Variants in HTATIP2 observed in about 807,000 individuals in gnomAD.
The protein encoded by HTATIP2 is HIV-1 Tat interactive protein 2.
HTATIP2 carries 26 observed loss-of-function variants against 24.7 expected under a neutral mutation model. The ratio of observed to expected loss-of-function variants is 1.05; its 90% confidence interval spans 0.77 to 1.46. The LOEUF (loss-of-function observed/expected upper bound fraction) is 1.46, where lower values mean the gene tolerates loss of function less well. HTATIP2 is among the 40% of genes most tolerant of loss of function. The pLI is 0.00. For synonymous variants in HTATIP2, 99 were observed against 113.2 expected, an observed-to-expected ratio of 0.87 and a Z score of 0.79; for missense variants, 284 against 289.6, an observed-to-expected ratio of 0.98 and a Z score of 0.14.
chr11:20,374,503 C>T (rs1415808822), intron 2 of HTATIP2, among the ~76,000 whole-genome samples: 3 of 152,170 alleles, frequency 2.0e-5, no homozygotes, highest in South Asian at 4.1e-4. Flanking sequence ...AGGCCACCCC[C>T]ATTCCTTGGC....
chr11:20,363,786 C>G lies in HTATIP2; in HGVS notation c.-452C>G. 1 of 1,241,562 alleles carries G rather than the reference C, an allele frequency of 8.1e-7. No homozygotes were observed. The highest frequency in any genetic ancestry group is 1.0e-6 in the Non-Finnish European group (1 of 988,020). 76.9% of individuals were successfully genotyped at this position (1,241,562 alleles called of 1,614,324 possible). ...CTCCGTCGCCTCCAACCCCCCCGGTCCGACCAGGGAAGGTGGGATGCTCTG... is the reference window on the plus strand; with the variant it reads ...CTCCGTCGCCTCCAACCCCCCCGGTGCGACCAGGGAAGGTGGGATGCTCTG... On this transcript the variant is annotated 5_prime_UTR_variant, in exon 1 of 5. Coordinates refer to ENST00000451739, the MANE Select transcript of HTATIP2 (RefSeq NM_001098522.2).
At chr11:20,372,668 A>G (rs2064783809) in intron 2 of HTATIP2, among the ~76,000 whole-genome samples, 1 of 152,232 alleles carries the variant, frequency 6.6e-6, no homozygotes, top group Non-Finnish European at 1.5e-5. Flanking sequence ...GTCTGTCCAC[A>G]TGGTTAGGGA....
intron 2 of HTATIP2, 79 bp from the exon 3 acceptor site, chr11:20,376,501 C>T (rs1351511365): frequency 1.1e-5 from 16 of 1,518,562 alleles, no homozygotes; most frequent in Non-Finnish European, 1.4e-5. Flanking sequence ...GCCTCCCAGC[C>T]TGCTACCCAA....
At chr11:20,369,072 A>T (rs1175291041) in intron 2 of HTATIP2, among the ~76,000 whole-genome samples, 1 of 149,390 alleles carries the variant, frequency 6.7e-6, no homozygotes, top group East Asian at 1.9e-4. Context: ...TGGGGGCTTT[A>T]AAAAAAAAAC....
At chr11:20,377,651 A>T (rs572980253) in intron 3 of HTATIP2, among the ~76,000 whole-genome samples, 9 of 152,312 alleles carry the variant, frequency 5.9e-5, no homozygotes, top group East Asian at 1.9e-4. Flanking sequence ...ACAGAAGTTC[A>T]TCTCCTTTCT....
chr11:20,366,605 C>T (rs1263855997), intron 1 of HTATIP2, among the ~76,000 whole-genome samples: 1 of 152,016 alleles, frequency 6.6e-6, no homozygotes, highest in Non-Finnish European at 1.5e-5. Flanking sequence ...AGTGCAGATT[C>T]TGATTCAGAA....
chr11:20,363,866 C>A lies in HTATIP2; in HGVS notation c.-372C>A. On this transcript the variant is annotated 5_prime_UTR_variant, in exon 1 of 5. The change creates a new upstream start codon in the 5' untranslated region. Transcript: ENST00000451739. ...GGCGGCGGCTGCTCTGGCGGCCGCC[C>A]TGCTCCTGCTGCGTCGTGAGGACCC... The A allele has an allele frequency of 2.4e-6, 3 of 1,244,062 alleles. No homozygotes were observed. In the South Asian group the frequency reaches 1.2e-4, roughly 50 times the overall value. The allele number at this position is 1,244,062 out of a possible 1,614,324, so 77.1% of individuals were successfully genotyped here. A position where few individuals can be genotyped will look rare whatever the true frequency, so the allele number is the denominator to read the frequency against.
At chr11:20,375,426 C>T (rs1474941168) in intron 2 of HTATIP2, among the ~76,000 whole-genome samples, 3 of 152,146 alleles carry the variant, frequency 2.0e-5, no homozygotes, top group African/African-American at 7.2e-5. Flanking sequence ...CAAAAATTAG[C>T]CGGACATGGT....
rs1191722069 is a variant in HTATIP2, at chr11:20,376,566, C to T, written c.304-14C>T. On this transcript the variant is annotated splice_polypyrimidine_tract_variant and intron_variant, in intron 2 of 4. Coordinates refer to ENST00000451739, the MANE Select transcript of HTATIP2 (RefSeq NM_001098522.2). ...CTGCTTTTTGGAAATAACTCATGTC[C>T]TTTTCCCCCTTAGGAGGGATTTGTT... The T allele has an allele frequency of 8.2e-5, 132 of 1,613,334 alleles. No homozygotes were observed. The highest frequency in any genetic ancestry group is 1.6e-4 in the Middle Eastern group (1 of 6,082).
chr11:20,364,485 C>T (rs879187362), intron 1 of HTATIP2, 53 bp downstream of exon 1: 1 of 1,463,292 alleles, frequency 6.8e-7, no homozygotes, highest in Non-Finnish European at 9.4e-7. Flanking sequence ...GCGAGGTGAA[C>T]ATATTTCATG....
In HTATIP2 at chr11:20,383,443, C is replaced by A. The variant is rs1848552246; in HGVS notation, c.*238C>A. Reference sequence around the variant, plus strand: ...TGTCAGCCCTATCTCAAACTTGAATCAAAATTTCTGGGGTGTGGGCACAAT... The same window carrying A: ...TGTCAGCCCTATCTCAAACTTGAATAAAAATTTCTGGGGTGTGGGCACAAT... On this transcript the variant is annotated 3_prime_UTR_variant, in exon 5 of 5. Coordinates refer to ENST00000451739, the MANE Select transcript of HTATIP2 (RefSeq NM_001098522.2). The A allele has an allele frequency of 2.0e-6, 1 of 492,576 alleles. No individual in the cohort carries two copies. The highest frequency in any genetic ancestry group is 3.6e-6 in the Non-Finnish European group (1 of 279,258). 30.5% of individuals were successfully genotyped at this position (492,576 alleles called of 1,614,324 possible).
At chr11:20,367,590 A>G in intron 2 of HTATIP2, 2 of 1,380,128 alleles carry the variant, frequency 1.4e-6, no homozygotes. Flanking sequence ...GTCTGAGTAA[A>G]ACTAATTGGT....
chr11:20,363,892 G>T lies in HTATIP2; in HGVS notation c.-346G>T. 13 of 1,242,806 alleles carry T rather than the reference G, an allele frequency of 1.0e-5. No homozygotes were observed. Among genetic ancestry groups the T allele is most frequent in the Non-Finnish European group, 1.3e-5 (13 of 989,728 alleles). 77.0% of individuals were successfully genotyped at this position (1,242,806 alleles called of 1,614,324 possible). A position where few individuals can be genotyped will look rare whatever the true frequency, so the allele number is the denominator to read the frequency against. On this transcript the variant is annotated 5_prime_UTR_variant, in exon 1 of 5. Transcript: ENST00000451739. Reference sequence around the variant, plus strand: ...TGCTCCTGCTGCGTCGTGAGGACCCGGGGCCGGGGGCTGGCCCCAGGTAAC... The same window carrying T: ...TGCTCCTGCTGCGTCGTGAGGACCCTGGGCCGGGGGCTGGCCCCAGGTAAC...
In HTATIP2 at chr11:20,363,786, C is replaced by A; in HGVS notation, c.-452C>A. 8.1e-7 allele frequency: 1 copy of A among 1,241,560 alleles called. No individual in the cohort carries two copies. The highest frequency in any genetic ancestry group is 1.0e-6 in the Non-Finnish European group (1 of 988,020). The allele number at this position is 1,241,560 out of a possible 1,614,324, so 76.9% of individuals were successfully genotyped here. The stretch of plus-strand genomic sequence containing the variant: ...CTCCGTCGCCTCCAACCCCCCCGGT[C>A]CGACCAGGGAAGGTGGGATGCTCTG... On this transcript the variant is annotated 5_prime_UTR_variant, in exon 1 of 5. Transcript: ENST00000451739.
chr11:20,379,434 G>A (rs955260616), intron 3 of HTATIP2, among the ~76,000 whole-genome samples: 12 of 152,104 alleles, frequency 7.9e-5, no homozygotes, highest in Admixed American at 7.9e-4. Context: ...TTCAACTACT[G>A]TGTGTAACAT....
Position 20,383,201 on chromosome 11 carries a change from C to T in HTATIP2, c.725C>T (p.Pro242Leu). 4 of 1,611,536 alleles carry T rather than the reference C, an allele frequency of 2.5e-6. No individual in the cohort carries two copies. Among genetic ancestry groups the T allele is most frequent in the Non-Finnish European group, 3.4e-6 (4 of 1,178,066 alleles). The change falls in exon 5 of 5, where the codon CCA becomes CTA. Residue 242 changes from proline to leucine, a missense_variant. Coordinates refer to ENST00000451739, the MANE Select transcript of HTATIP2 (RefSeq NM_001098522.2). ...DLGKAHGSLKP is the reference protein window; with the variant it reads ...DLGKAHGSLKL ...GGGAAAGCGCATGGCTCTCTCAAGC[C>T]ATGACCACATTGGAGAAATGGTTTT...
At chr11:20,365,840 G>T (rs879384122) in intron 1 of HTATIP2, among the ~76,000 whole-genome samples, 1 of 151,826 alleles carries the variant, frequency 6.6e-6, no homozygotes, top group South Asian at 2.1e-4. Flanking sequence ...GCGTGGTGGT[G>T]CACGCCTGTA....
chr11:20,383,344 G>A lies in HTATIP2; in HGVS notation c.*139G>A, dbSNP rs1230658527. The A allele has an allele frequency of 2.2e-5, 14 of 650,390 alleles. No individual in the cohort carries two copies. In the East Asian group the frequency reaches 3.0e-4, roughly 14 times the overall value. 40.3% of individuals were successfully genotyped at this position (650,390 alleles called of 1,614,324 possible). A position where few individuals can be genotyped will look rare whatever the true frequency, so the allele number is the denominator to read the frequency against. On this transcript the variant is annotated 3_prime_UTR_variant, in exon 5 of 5. Transcript: ENST00000451739. Reference sequence around the variant, plus strand: ...GCATCCATTCCAATCAAGAAATGATGGTGCTCTGCATCAGTGGTTCAGAGC... The same window carrying A: ...GCATCCATTCCAATCAAGAAATGATAGTGCTCTGCATCAGTGGTTCAGAGC...
chr11:20,382,342 T>C, intron 4 of HTATIP2, 103 bp downstream of exon 4: 2 of 689,710 alleles, frequency 2.9e-6, no homozygotes, highest in Non-Finnish European at 2.5e-6. Context: ...ATCTAAGATA[T>C]GAAAGACATT....
Sources: allele counts gnomAD v4.1 joint callset (sites outside exome capture counted in the v4.1 genomes callset), GRCh38; gene constraint gnomAD v4.1.1; transcripts MANE v1.5; gene names NCBI Gene and HGNC (gene_info 2026-07-23, HGNC 2026-07-21).